Variants in PTDSS2 observed in about 807,000 individuals in gnomAD.
PTDSS2 encodes PSS-2.
A neutral mutation model predicts 64.7 loss-of-function variants in PTDSS2; 41 were observed. The observed-to-expected ratio is 0.63, with a 90% CI of 0.49 to 0.82. The LOEUF (loss-of-function observed/expected upper bound fraction) is 0.82. Among genes scored for constraint, PTDSS2 ranks in the 40% least tolerant of loss-of-function variants. The pLI is 0.00. For missense variants in PTDSS2, 485 were observed against 650.0 expected (o/e 0.75, Z 2.76); for synonymous variants, 297 against 277.8 (o/e 1.07, Z -0.69).
Position 491,246 on chromosome 11 carries a change from G to C in PTDSS2, c.*664G>C, listed in dbSNP as rs1314626437. On this transcript the variant is annotated 3_prime_UTR_variant, in exon 12 of 12. Coordinates refer to ENST00000308020, the MANE Select transcript of PTDSS2 (RefSeq NM_030783.3). ...CACCCCGGAGGACACGTGGATGATG[G>C]GGTCAGAGATCACTGAGCTGCCCCT... The C allele has an allele frequency of 1.3e-5, 2 of 152,756 alleles. No individual in the cohort carries two copies. The highest frequency in any genetic ancestry group is 3.9e-4 in the East Asian group (2 of 5,190). 9.5% of individuals were successfully genotyped at this position (152,756 alleles called of 1,614,324 possible). A position where few individuals can be genotyped will look rare whatever the true frequency, so the allele number is the denominator to read the frequency against.
At chr11:486,348 G>A (rs1424263476) in intron 4 of PTDSS2, among the ~76,000 whole-genome samples, 4 of 152,208 alleles carry the variant, frequency 2.6e-5, no homozygotes, top group Non-Finnish European at 4.4e-5. Flanking sequence ...TCCCGCTCCC[G>A]TCTGTCCAGC....
Position 487,442 on chromosome 11 carries a change from C to T in PTDSS2, c.593C>T (p.Pro198Leu), listed in dbSNP as rs1848444562. The change falls in exon 6 of 12, where the codon CCC (proline) becomes CTC (leucine). Residue 198 changes from proline to leucine, a missense_variant. Physicochemically the swap from Pro to Leu is moderately conservative, Grantham distance 98. Around this residue, in one of 3 missense-constraint regions of PTDSS2, gnomAD observed 251 missense variants for 348.0 expected, o/e 0.72. Coordinates refer to ENST00000308020, the MANE Select transcript of PTDSS2 (RefSeq NM_030783.3). ...CAGGACAAGTTGGATGGCTTTGTTC[C>T]CGCGCACTTTCTTGGCTGGTACCTG... ...NIWDKLDGFV[P>L]AHFLGWYLKT... 1 of 1,614,006 alleles carries T rather than the reference C, an allele frequency of 6.2e-7. No individual in the cohort carries two copies. The highest frequency in any genetic ancestry group is 8.5e-7 in the Non-Finnish European group (1 of 1,180,012).
At position 490,534 on chromosome 11, in the gene PTDSS2, G is replaced by T. The variant is rs1200271816; in HGVS notation, c.1416G>T (p.Leu472=). ...DQHPLGLDED[L]LGPGVAEGEG... is the part of the protein sequence containing the mutation. Reference sequence around the variant, plus strand: ...ACCCACTGGGGCTGGACGAAGACCTGCTGGGGCCTGGGGTGGCCGAGGGCG... The same window carrying T: ...ACCCACTGGGGCTGGACGAAGACCTTCTGGGGCCTGGGGTGGCCGAGGGCG... The change falls in exon 12 of 12, where the codon CTG becomes CTT. Residue 472 remains leucine (L), a synonymous_variant. Transcript: ENST00000308020. 1.9e-6 allele frequency: 3 copies of T among 1,612,266 alleles called. No homozygotes were observed. Among genetic ancestry groups the T allele is most frequent in the Non-Finnish European group, 2.5e-6 (3 of 1,179,564 alleles).
chr11:482,333 G>A (rs960434671), intron 4 of PTDSS2, among the ~76,000 whole-genome samples: 2 of 150,274 alleles, frequency 1.3e-5, no homozygotes, highest in Admixed American at 6.7e-5. Flanking sequence ...AGCGATTCTC[G>A]TGCCTCACCC....
intron 4 of PTDSS2, among the ~76,000 whole-genome samples, chr11:486,662 G>A (rs1342552469): frequency 6.6e-6 from 1 of 151,832 alleles, no homozygotes; most frequent in Admixed American, 6.6e-5. Flanking sequence ...CTAGCACGGT[G>A]AAACCCCGTC....
intron 1 of PTDSS2, among the ~76,000 whole-genome samples, chr11:453,006 C>G (rs1846412787): frequency 6.6e-6 from 1 of 152,176 alleles, no homozygotes; most frequent in African/African-American, 2.4e-5. Context: ...GCTGAGATTA[C>G]AGGCATGCAC....
At chr11:452,297 C>G (rs557834629) in intron 1 of PTDSS2, among the ~76,000 whole-genome samples, 1 of 152,354 alleles carries the variant, frequency 6.6e-6, no homozygotes, top group South Asian at 2.1e-4. Context: ...AAACAAGAAG[C>G]TTAGATTCTG....
chr11:480,976 C>T (rs577634276), intron 4 of PTDSS2, among the ~76,000 whole-genome samples: 32 of 151,434 alleles, frequency 2.1e-4, no homozygotes, highest in African/African-American at 5.3e-4. Flanking sequence ...CCCAGCTGCT[C>T]GGGAGGCTGA....
At chr11:484,571 G>T (rs373421769) in intron 4 of PTDSS2, among the ~76,000 whole-genome samples, 106 of 152,010 alleles carry the variant, frequency 7.0e-4, no homozygotes, top group African/African-American at 2.5e-3. Flanking sequence ...TGCTCACTGC[G>T]CAGGCATCTG....
At chr11:451,552 A>T in intron 1 of PTDSS2, 2 of 252,582 alleles carry the variant, frequency 7.9e-6, no homozygotes, top group South Asian at 6.3e-5. Flanking sequence ...AGGTGGGGTC[A>T]GCCCCAGGAA....
rs1474750517 is a variant in PTDSS2, at chr11:490,787, TGCGTGTGTGTACGCGTGTGTACGC to T, written c.*214_*237del. The stretch of plus-strand genomic sequence containing the variant: ...ATGTGTACACGTGTGTACGTGTGTA[TGCGTGTGTGTACGCGTGTGTACGC>T]GCGTGTGTACACATGCGTGGCCGCC... On this transcript the variant is annotated 3_prime_UTR_variant, in exon 12 of 12. Coordinates refer to ENST00000308020, the MANE Select transcript of PTDSS2 (RefSeq NM_030783.3). 1.0e-5 allele frequency: 6 copies of T among 574,018 alleles called. No homozygotes were observed. The highest frequency in any genetic ancestry group is 7.2e-5 in the Admixed American group (2 of 27,858). 35.6% of individuals were successfully genotyped at this position (574,018 alleles called of 1,614,324 possible). A position where few individuals can be genotyped will look rare whatever the true frequency, so the allele number is the denominator to read the frequency against.
intron 3 of PTDSS2, among the ~76,000 whole-genome samples, chr11:477,887 T>C (rs928804250): frequency 2.0e-5 from 3 of 152,236 alleles, no homozygotes; most frequent in Non-Finnish European, 4.4e-5. Flanking sequence ...GTGATCTCAG[T>C]CGTCTGTCTT....
Position 460,044 on chromosome 11 carries a change from C to A in PTDSS2, c.183-143C>A. The A allele has an allele frequency of 1.5e-6, 1 of 657,296 alleles. No homozygotes were observed. Among genetic ancestry groups the A allele is most frequent in the East Asian group, 2.8e-5 (1 of 35,672 alleles). 40.7% of individuals were successfully genotyped at this position (657,296 alleles called of 1,614,324 possible). ...CATCTCGGAGTTACCCAGCTAGGGA[C>A]TCGCAGCCAGTTGCTGGTTGGGAGT... On this transcript the variant is annotated intron_variant, in intron 1 of 11. Transcript: ENST00000308020. This position sits in a 1 kb window ranked among gnomAD's most constrained non-coding sequence, Gnocchi z 5.8.
At chr11:463,203 A>G (rs1229892045) in intron 2 of PTDSS2, 1 of 151,896 alleles carries the variant, frequency 6.6e-6, no homozygotes, top group Non-Finnish European at 1.5e-5. Context: ...TACCTTCTAG[A>G]AATTAGGCTT....
chr11:483,487 A>G (rs1848158987), intron 4 of PTDSS2, among the ~76,000 whole-genome samples: 1 of 152,210 alleles, frequency 6.6e-6, no homozygotes, highest in Non-Finnish European at 1.5e-5. Flanking sequence ...AGAAAGTTCT[A>G]GTATATTCCT....
In PTDSS2 at chr11:488,654, C is replaced by T. The variant is rs1312043310; in HGVS notation, c.854+7C>T. 5.0e-6 allele frequency: 8 copies of T among 1,584,798 alleles called. No individual in the cohort carries two copies. Among genetic ancestry groups the T allele is most frequent in the South Asian group, 3.3e-5 (3 of 90,550 alleles). On this transcript the variant is annotated splice_region_variant and intron_variant, in intron 8 of 11. Transcript: ENST00000308020. ...GGAACATTCCGACCTACAAGTACGT[C>T]GTGGGGGCTGCGAGGGCAGGGCCGG...
chr11:485,452 GTGTAAA>G, intron 4 of PTDSS2, among the ~76,000 whole-genome samples: 3 of 145,472 alleles, frequency 2.1e-5, no homozygotes, highest in East Asian at 2.1e-4. Flanking sequence ...GCGCAGGCGA[GTGTAAA>G]CAGTGCACGG....
chr11:478,837 T>C (rs1255562610), intron 3 of PTDSS2, among the ~76,000 whole-genome samples: 1 of 152,252 alleles, frequency 6.6e-6, no homozygotes, highest in African/African-American at 2.4e-5. Flanking sequence ...TGACTGCTTC[T>C]GTGCAACAAT....
At chr11:466,309 A>G (rs1201621403) in intron 2 of PTDSS2, among the ~76,000 whole-genome samples, 1 of 152,118 alleles carries the variant, frequency 6.6e-6, no homozygotes, top group Non-Finnish European at 1.5e-5. Flanking sequence ...CAGGAAACGT[A>G]CAATCACTGT....
Sources: allele counts gnomAD v4.1 joint callset (sites outside exome capture counted in the v4.1 genomes callset), GRCh38; gene constraint gnomAD v4.1.1; regional missense constraint gnomAD v4.1.1; non-coding constraint Gnocchi (gnomAD v3.1); transcripts MANE v1.5; gene names NCBI Gene and HGNC (gene_info 2026-07-23, HGNC 2026-07-21).